The following ATXN10 variants were observed in gnomAD, a reference collection of about 807,000 sequenced individuals.
ATXN10 encodes ataxin-10.
ATXN10 carries 28 observed loss-of-function variants against 52.9 expected under a neutral mutation model. The ratio of observed to expected loss-of-function variants is 0.53; its 90% CI spans 0.39 to 0.73. The LOEUF (loss-of-function observed/expected upper bound fraction) is 0.73, where lower values mean the gene tolerates loss of function less well. Among genes scored for constraint, ATXN10 ranks in the 30% least tolerant of loss-of-function variants. ATXN10 has a pLI of 0.00. For missense variants in ATXN10, 565 were observed against 577.0 expected (o/e 0.98, Z 0.21); for synonymous variants, 226 against 221.5 (o/e 1.02, Z -0.18).
intron 6 of ATXN10, among the ~76,000 whole-genome samples, chr22:45,720,625 A>T (rs530485083): frequency 6.6e-6 from 1 of 152,332 alleles, no homozygotes; most frequent in African/African-American, 2.4e-5. Context: ...TTAACAATAA[A>T]CTACAATGAG....
chr22:45,782,108 G>A (rs985407605), intron 9 of ATXN10, among the ~76,000 whole-genome samples: 2 of 152,196 alleles, frequency 1.3e-5, no homozygotes, highest in African/African-American at 4.8e-5. Context: ...TGAATAGCAA[G>A]TGACTCAACT....
At chr22:45,839,848 G>A (rs4823323) in intron 10 of ATXN10, among the ~76,000 whole-genome samples, 1,652 of 152,282 alleles carry the variant, frequency 0.011, 13 homozygotes, top group Non-Finnish European at 0.014. Flanking sequence ...AAAGCCCTGG[G>A]TCGGGAAACC....
intron 5 of ATXN10, among the ~76,000 whole-genome samples, chr22:45,711,783 T>C (rs1158537080): frequency 6.6e-6 from 1 of 152,224 alleles, no homozygotes; most frequent in Non-Finnish European, 1.5e-5. Flanking sequence ...AAAACATTTC[T>C]TTCTGATTGC....
Position 45,843,593 on chromosome 22 carries a change from T to G in ATXN10, c.1426-76T>G. ...GTCACCACTGACCAAAGTTCTGGGT[T>G]TTTTCCCCTTTTGTCTGATGAATCT... On this transcript the variant is annotated intron_variant, in intron 11 of 11. Coordinates refer to ENST00000252934, the MANE Select transcript of ATXN10 (RefSeq NM_013236.4). The surrounding 1 kb of genome is among the most constrained non-coding windows in gnomAD (Gnocchi z 4.5). The G allele has an allele frequency of 6.8e-7, 1 of 1,469,738 alleles. No homozygotes were observed. The highest frequency in any genetic ancestry group is 1.2e-5 in the South Asian group (1 of 86,090). 91.0% of individuals were successfully genotyped at this position (1,469,738 alleles called of 1,614,324 possible). A position where few individuals can be genotyped will look rare whatever the true frequency, so the allele number is the denominator to read the frequency against.
At chr22:45,699,479 CTTTTTCTTTCCTTTTTTTTT>C (rs1923750437) in intron 3 of ATXN10, among the ~76,000 whole-genome samples, 1 of 111,322 alleles carries the variant, frequency 9.0e-6, no homozygotes, top group African/African-American at 3.1e-5. Context: ...TTTTTTTTTT[CTTTTTCTTTCCTTTTTTTTT>C]TTTTTTTTTT....
intron 10 of ATXN10, among the ~76,000 whole-genome samples, chr22:45,836,093 A>G (rs1929157185): frequency 6.6e-6 from 1 of 152,166 alleles, no homozygotes; most frequent in Non-Finnish European, 1.5e-5. Flanking sequence ...AGGGAGCCAA[A>G]ATGGGTGGTT....
In ATXN10 at chr22:45,783,225, T is replaced by C. The variant is rs531215467; in HGVS notation, c.1174-23734T>C. Among the ~76,000 whole-genome samples, 1 of 152,156 alleles carries C rather than the reference T, an allele frequency of 6.6e-6. No homozygotes were observed. The highest frequency in any genetic ancestry group is 2.4e-5 in the African/African-American group (1 of 41,516). ...ACCATGGCAGAATGGCTGGGGAGCA[T>C]AAATAGTGTGGGTGTGCTGGACAAG... On this transcript the variant is annotated intron_variant, in intron 9 of 11. Transcript: ENST00000252934. The surrounding 1 kb of genome is among the most constrained non-coding windows in gnomAD (Gnocchi z 5.0).
intron 6 of ATXN10, among the ~76,000 whole-genome samples, chr22:45,724,094 G>C (rs1209697309): frequency 6.6e-6 from 1 of 151,936 alleles, no homozygotes; most frequent in Non-Finnish European, 1.5e-5. Context: ...CAGTTGATGG[G>C]TACTTACATT....
intron 5 of ATXN10, among the ~76,000 whole-genome samples, chr22:45,709,081 A>T (rs1924146615): frequency 1.3e-5 from 2 of 152,324 alleles, no homozygotes; most frequent in South Asian, 2.1e-4. Flanking sequence ...GTCTTGCCTT[A>T]TGCATGTACA....
At position 45,677,526 on chromosome 22, in the gene ATXN10, A is replaced by G. The variant is rs1922747924; in HGVS notation, c.116+5347A>G. 6.6e-6 allele frequency: 1 copy of G among 151,862 alleles called. No individual in the cohort carries two copies. The highest frequency in any genetic ancestry group is 2.4e-5 in the African/African-American group (1 of 41,406). 9.4% of individuals were successfully genotyped at this position (151,862 alleles called of 1,614,324 possible). A position where few individuals can be genotyped will look rare whatever the true frequency, so the allele number is the denominator to read the frequency against. ...AGGCCAAAAGGTCTTAAAAAAAAAA[A>G]AAAGAAAAGGCAAGTCCTGGACTTA... is the stretch of plus-strand genomic sequence containing the variant. On this transcript the variant is annotated intron_variant, in intron 1 of 11. Coordinates refer to ENST00000252934, the MANE Select transcript of ATXN10 (RefSeq NM_013236.4). The surrounding 1 kb of genome is among the most constrained non-coding windows in gnomAD (Gnocchi z 4.1).
chr22:45,684,294 G>A lies in ATXN10; in HGVS notation c.117-5418G>A, dbSNP rs1923047452. ...TTTAGCACAGTGCGTTTGTTCTGAT[G>A]AAAGATGAATTTTCAATGTGATGAG... is the stretch of plus-strand genomic sequence containing the variant. On this transcript the variant is annotated intron_variant, in intron 1 of 11. Transcript: ENST00000252934. This position sits in a 1 kb window ranked among gnomAD's most constrained non-coding sequence, Gnocchi z 4.1. Among the ~76,000 whole-genome samples, 1 of 152,096 alleles carries A rather than the reference G, an allele frequency of 6.6e-6. No homozygotes were observed. Among genetic ancestry groups the A allele is most frequent in the Non-Finnish European group, 1.5e-5 (1 of 68,032 alleles).
chr22:45,803,698 C>G (rs191071969), intron 9 of ATXN10, among the ~76,000 whole-genome samples: 1 of 152,276 alleles, frequency 6.6e-6, no homozygotes, highest in East Asian at 1.9e-4. Flanking sequence ...TCTCTTCTTT[C>G]CCATTTGCAG....
intron 9 of ATXN10, among the ~76,000 whole-genome samples, chr22:45,768,398 G>A (rs138207): frequency 0.046 from 7,057 of 152,032 alleles, 465 homozygotes; most frequent in African/African-American, 0.15. Flanking sequence ...AAAAAAAAAT[G>A]CAGTGGATTG....
chr22:45,674,551 A>T (rs1485636322), intron 1 of ATXN10: 1 of 152,240 alleles, frequency 6.6e-6, no homozygotes, highest in African/African-American at 2.4e-5. Flanking sequence ...TCCAGTTCTG[A>T]TGCTCAGGGA....
At chr22:45,760,861 C>T (rs1178558110) in intron 9 of ATXN10, among the ~76,000 whole-genome samples, 1 of 152,136 alleles carries the variant, frequency 6.6e-6, no homozygotes, top group Non-Finnish European at 1.5e-5. Context: ...AGCCCATCCT[C>T]ACTGATAAGA....
At chr22:45,793,911 C>T in intron 9 of ATXN10, 1 of 1,217,498 alleles carries the variant, frequency 8.2e-7, no homozygotes, top group East Asian at 3.2e-5. Context: ...AGAGGTGCTG[C>T]TCCTTGCAGA....
intron 10 of ATXN10, among the ~76,000 whole-genome samples, chr22:45,834,622 CAG>C (rs2146913424): frequency 6.6e-6 from 1 of 152,310 alleles, no homozygotes; most frequent in Non-Finnish European, 1.5e-5. Context: ...CCAGATCTGA[CAG>C]AACTCTGGGA....
chr22:45,720,110 G>T (rs1924592138), intron 6 of ATXN10, among the ~76,000 whole-genome samples: 1 of 152,072 alleles, frequency 6.6e-6, no homozygotes, highest in African/African-American at 2.4e-5. Flanking sequence ...AAGCCTCAAG[G>T]TTATACTCAG....
At chr22:45,804,103 G>A (rs1003121576) in intron 9 of ATXN10, among the ~76,000 whole-genome samples, 19 of 152,170 alleles carry the variant, frequency 1.2e-4, no homozygotes, top group African/African-American at 4.1e-4. Flanking sequence ...GTAAGATTCA[G>A]CAGACACCGC....
Sources: gnomAD v4.1 joint callset for allele counts (sites outside exome capture counted in the v4.1 genomes callset) on GRCh38, gnomAD v4.1.1 for gene constraint, Gnocchi (gnomAD v3.1) non-coding constraint, MANE v1.5 for transcripts, NCBI Gene and HGNC (gene_info 2026-07-23, HGNC 2026-07-21) for gene names.